Variants in ST6GALNAC3 observed in about 807,000 individuals in gnomAD.
The protein encoded by ST6GALNAC3 is alpha-N-acetylgalactosaminide alpha-2,6-sialyltransferase 3.
In ST6GALNAC3, 25 loss-of-function variants were observed where a neutral mutation model predicts 32.7. The observed-to-expected ratio is 0.76, with a 90% CI of 0.56 to 1.07. ST6GALNAC3 has a LOEUF of 1.07. ST6GALNAC3 is among the 50% of genes least tolerant of loss of function. ST6GALNAC3 has a pLI of 0.00. For missense variants in ST6GALNAC3, 355 were observed against 382.4 expected, an observed-to-expected ratio of 0.93 and a Z score of 0.60; for synonymous variants, 129 against 133.1, an observed-to-expected ratio of 0.97 and a Z score of 0.21.
chr1:76,285,777 A>G (rs1304855091), intron 1 of ST6GALNAC3, among the ~76,000 whole-genome samples: 1 of 152,156 alleles, frequency 6.6e-6, no homozygotes, highest in Non-Finnish European at 1.5e-5. Context: ...AGAGAGGAAC[A>G]GAGACAGAAC....
chr1:76,215,801 GTTC>G (rs1557702697), intron 1 of ST6GALNAC3, among the ~76,000 whole-genome samples: 1 of 152,144 alleles, frequency 6.6e-6, no homozygotes, highest in African/African-American at 2.4e-5. Flanking sequence ...GCTGGGTTCA[GTTC>G]TTCTCTCTGG....
chr1:76,420,951 C>T (rs981908410), intron 3 of ST6GALNAC3, among the ~76,000 whole-genome samples: 3 of 151,922 alleles, frequency 2.0e-5, no homozygotes, highest in Non-Finnish European at 4.4e-5. Context: ...TTCTACCATG[C>T]GTTATTGTTA....
At chr1:76,113,145 G>T in intron 1 of ST6GALNAC3, among the ~76,000 whole-genome samples, 1 of 152,090 alleles carries the variant, frequency 6.6e-6, no homozygotes, top group East Asian at 1.9e-4. Context: ...AGACCAGCCC[G>T]GCCAACACAG....
intron 3 of ST6GALNAC3, among the ~76,000 whole-genome samples, chr1:76,450,390 A>G (rs190949065): frequency 6.6e-6 from 1 of 152,150 alleles, no homozygotes; most frequent in Admixed American, 6.6e-5. Flanking sequence ...AGAATTGTCT[A>G]TTCTTGTCCT....
At chr1:76,265,233 A>G (rs1658461374) in intron 1 of ST6GALNAC3, among the ~76,000 whole-genome samples, 1 of 152,174 alleles carries the variant, frequency 6.6e-6, no homozygotes, top group South Asian at 2.1e-4. Context: ...TGGCACAATT[A>G]AATTTTTTGA....
chr1:76,574,626 C>T (rs936940469), intron 3 of ST6GALNAC3, among the ~76,000 whole-genome samples: 18 of 151,966 alleles, frequency 1.2e-4, no homozygotes, highest in Admixed American at 2.0e-4. Context: ...TAGTTTCTTC[C>T]GCTGAAAGTA....
At chr1:76,178,200 A>T (rs527822314) in intron 1 of ST6GALNAC3, among the ~76,000 whole-genome samples, 1 of 152,248 alleles carries the variant, frequency 6.6e-6, no homozygotes, top group African/African-American at 2.4e-5. Context: ...GAGAATAAAC[A>T]ATGTAAAGAA....
intron 3 of ST6GALNAC3, among the ~76,000 whole-genome samples, chr1:76,612,860 C>T (rs1201424167): frequency 6.6e-6 from 1 of 152,142 alleles, no homozygotes; most frequent in Non-Finnish European, 1.5e-5. Flanking sequence ...AAGTGGCCTT[C>T]TGATAAATAA....
At chr1:76,543,837 A>C (rs1664135625) in intron 3 of ST6GALNAC3, among the ~76,000 whole-genome samples, 1 of 152,156 alleles carries the variant, frequency 6.6e-6, no homozygotes, top group Admixed American at 6.5e-5. Context: ...AACCTGGAAA[A>C]CAAAAATTCT....
chr1:76,349,555 G>C (rs991675724), intron 2 of ST6GALNAC3, among the ~76,000 whole-genome samples: 2 of 152,080 alleles, frequency 1.3e-5, no homozygotes, highest in Non-Finnish European at 1.5e-5. Flanking sequence ...AAGGACTGGG[G>C]GTGGTATGGC....
intron 2 of ST6GALNAC3, among the ~76,000 whole-genome samples, chr1:76,384,738 A>G (rs966249987): frequency 2.0e-5 from 3 of 152,128 alleles, no homozygotes; most frequent in Admixed American, 1.3e-4. Context: ...AAAGATAATG[A>G]GAACATACAC....
intron 1 of ST6GALNAC3, among the ~76,000 whole-genome samples, chr1:76,209,410 A>C (rs1437697051): frequency 6.6e-6 from 1 of 152,184 alleles, no homozygotes; most frequent in East Asian, 1.9e-4. Context: ...TGAGGGGCCA[A>C]GGGTGTACTG....
intron 1 of ST6GALNAC3, among the ~76,000 whole-genome samples, chr1:76,173,683 A>G (rs1369040465): frequency 6.6e-6 from 1 of 152,266 alleles, no homozygotes; most frequent in Non-Finnish European, 1.5e-5. Context: ...AAGGATATGA[A>G]CAGACACTTT....
chr1:76,428,060 G>A (rs1655514386), intron 3 of ST6GALNAC3, among the ~76,000 whole-genome samples: 1 of 151,982 alleles, frequency 6.6e-6, no homozygotes, highest in Non-Finnish European at 1.5e-5. Context: ...TATTATTATT[G>A]TTATTATTTT....
chr1:76,323,063 T>C (rs1403830708), intron 2 of ST6GALNAC3, among the ~76,000 whole-genome samples: 1 of 152,182 alleles, frequency 6.6e-6, no homozygotes, highest in Admixed American at 6.5e-5. Context: ...CTGTGGTGTT[T>C]CATAATATGT....
intron 3 of ST6GALNAC3, among the ~76,000 whole-genome samples, chr1:76,600,268 C>T (rs1419403456): frequency 1.3e-5 from 2 of 152,172 alleles, no homozygotes; most frequent in African/African-American, 4.8e-5. Flanking sequence ...ACCGTCATCT[C>T]AGACTTCCAG....
chr1:76,475,859 C>G (rs1038482771), intron 3 of ST6GALNAC3, among the ~76,000 whole-genome samples: 1 of 152,122 alleles, frequency 6.6e-6, no homozygotes, highest in Non-Finnish European at 1.5e-5. Context: ...TAGCCCCCAG[C>G]CCCCGACAGG....
At chr1:76,400,130 A>G (rs1461372135) in intron 2 of ST6GALNAC3, among the ~76,000 whole-genome samples, 1 of 152,202 alleles carries the variant, frequency 6.6e-6, no homozygotes, top group South Asian at 2.1e-4. Flanking sequence ...ATTTAACATT[A>G]AGTATTAAGT....
chr1:76,151,998 T>C (rs1397286072), intron 1 of ST6GALNAC3, among the ~76,000 whole-genome samples: 1 of 152,136 alleles, frequency 6.6e-6, no homozygotes, highest in African/African-American at 2.4e-5. Context: ...AATTTAAATT[T>C]GTGATGACTT....
Sources: allele counts gnomAD v4.1 joint callset (sites outside exome capture counted in the v4.1 genomes callset), GRCh38; gene constraint gnomAD v4.1.1; transcripts MANE v1.5; gene names NCBI Gene and HGNC (gene_info 2026-07-23, HGNC 2026-07-21).